USP43: variants seen among roughly 807,000 people sequenced by gnomAD.
USP43 encodes the protein ubiquitin specific peptidase 43.
A neutral mutation model predicts 90.7 loss-of-function variants in USP43; 33 were observed. The ratio of observed to expected loss-of-function variants is 0.36; its 90% CI spans 0.28 to 0.49. The LOEUF (loss-of-function observed/expected upper bound fraction) is 0.49, where lower values mean the gene tolerates loss of function less well. USP43 is among the 20% of genes least tolerant of loss of function. The probability of loss-of-function intolerance (pLI) is 0.98; values close to 1 mark genes in which losing one functional copy is unlikely to be tolerated. For missense variants in USP43, 1,274 were observed against 1,476.4 expected (o/e 0.86, Z 2.25); for synonymous variants, 598 against 615.8 (o/e 0.97, Z 0.43).
intron 14 of USP43, among the ~76,000 whole-genome samples, chr17:9,719,292 C>T (rs896406231): frequency 1.3e-5 from 2 of 152,162 alleles, no homozygotes. Context: ...TTGATATCCT[C>T]CCAGGAGGAG....
Position 9,701,783 on chromosome 17 carries a change from G to A in USP43, c.2011+83G>A. The A allele has an allele frequency of 7.3e-6, 9 of 1,237,576 alleles. No homozygotes were observed. The highest frequency in any genetic ancestry group is 9.9e-6 in the Non-Finnish European group (9 of 909,222). The allele number at this position is 1,237,576 out of a possible 1,614,324, so 76.7% of individuals were successfully genotyped here. ...CTGGAATGGGTGTTGCTCAGATGCT[G>A]AGCTCCCTGGGGCACTTATTGAGAT... On this transcript the variant is annotated intron_variant, in intron 12 of 14. Transcript: ENST00000285199. This position sits in a 1 kb window ranked among gnomAD's most constrained non-coding sequence, Gnocchi z 7.2.
Position 9,728,931 on chromosome 17 carries a change from G to A in USP43, c.3313G>A (p.Val1105Ile), listed in dbSNP as rs1386914092. ...EQASYGTFQR[V>I]KYHTLSLGRK... ...GGCTTCTTATGGCACCTTTCAGAGA[G>A]TCAAATATCACACTCTTTCTTTAGG... The change falls in exon 15 of 15, where the codon GTC becomes ATC. Residue 1105 changes from valine (V) to isoleucine (I), a missense_variant. By Grantham distance (29) the Val-to-Ile change is conservative. This residue lies in a region of USP43 where 353 missense variants were observed against 329.7 expected (regional missense o/e 1.07). Transcript: ENST00000285199. The surrounding 1 kb of genome is among the most constrained non-coding windows in gnomAD (Gnocchi z 6.2). The A allele has an allele frequency of 1.2e-6, 2 of 1,606,732 alleles. No homozygotes were observed. The highest frequency in any genetic ancestry group is 1.7e-5 in the Admixed American group (1 of 58,782).
intron 2 of USP43, among the ~76,000 whole-genome samples, chr17:9,664,554 A>G (rs1036431771): frequency 4.6e-5 from 7 of 152,174 alleles, no homozygotes; most frequent in South Asian, 2.1e-4. Context: ...AAAATTGTCT[A>G]AAAAGACTCC....
chr17:9,678,648 G>GATTTATTTATGTCATCTT lies in USP43; in HGVS notation c.970-1562_970-1545dup, dbSNP rs1212857465. ...AGCCACTGCGCCCGGCCTGTATTTG[G>GATTTATTTATGTCATCTT]ATTTATTTATGTCATCTTATTTATT... On this transcript the variant is annotated intron_variant, in intron 5 of 14. Coordinates refer to ENST00000285199, the MANE Select transcript of USP43 (RefSeq NM_153210.5). 1.7e-3 allele frequency among the ~76,000 whole-genome samples: 257 copies of GATTTATTTATGTCATCTT among 152,072 alleles called. 4 individuals carry two copies. The highest frequency in any genetic ancestry group is 6.7e-3 in the South Asian group (32 of 4,808).
intron 2 of USP43, among the ~76,000 whole-genome samples, chr17:9,664,747 C>T (rs186118309): frequency 0.016 from 2,386 of 151,640 alleles, 64 homozygotes; most frequent in African/African-American, 0.054. Flanking sequence ...ACGCCATTCT[C>T]CTGCCTCAGC....
chr17:9,668,662 A>G (rs113873137), intron 3 of USP43, among the ~76,000 whole-genome samples: 2,840 of 152,270 alleles, frequency 0.019, 72 homozygotes, highest in African/African-American at 0.056. Context: ...TATACAGGGT[A>G]AAGAGGATCT....
At chr17:9,663,447 G>A (rs199937623) in intron 2 of USP43, among the ~76,000 whole-genome samples, 6 of 151,662 alleles carry the variant, frequency 4.0e-5, no homozygotes, top group East Asian at 3.9e-4. Flanking sequence ...ACAGATGTGC[G>A]CCACCATGCC....
At chr17:9,711,945 C>T (rs1336085862) in intron 13 of USP43, 23 bp from the exon 14 acceptor site, 16 of 1,571,360 alleles carry the variant, frequency 1.0e-5, no homozygotes, top group Non-Finnish European at 1.3e-5. Flanking sequence ...GGCTCAGCCT[C>T]CCTCTCTGTG....
At chr17:9,725,270 G>A (rs1429930735) in intron 14 of USP43, among the ~76,000 whole-genome samples, 1 of 147,276 alleles carries the variant, frequency 6.8e-6, no homozygotes, top group African/African-American at 2.5e-5. Context: ...CTTTAATGCA[G>A]TGTAAGGCTC....
At position 9,728,311 on chromosome 17, in the gene USP43, A is replaced by C. The variant is rs199608953; in HGVS notation, c.2693A>C (p.Asn898Thr). The change falls in exon 15 of 15, where the codon AAC (asparagine) becomes ACC (threonine). Residue 898 changes from asparagine to threonine, a missense_variant. Physicochemically the swap from Asn to Thr is moderately conservative, Grantham distance 65. Transcript: ENST00000285199. The surrounding 1 kb of genome is among the most constrained non-coding windows in gnomAD (Gnocchi z 6.2). ...GTGCCCTGTCCCTCGGCTCAACCCAACCACTGTCTGGCCCCTGGAAACTCA... is the reference window on the plus strand; with the variant it reads ...GTGCCCTGTCCCTCGGCTCAACCCACCCACTGTCTGGCCCCTGGAAACTCA... Reference protein sequence around the residue: ...AGVPCPSAQPNHCLAPGNSDG... With the variant: ...AGVPCPSAQPTHCLAPGNSDG... The C allele has an allele frequency of 7.3e-5, 117 of 1,612,840 alleles. No individual in the cohort carries two copies. The African/African-American group carries it at 1.3e-3, about 19-fold the overall frequency.
chr17:9,700,460 G>C (rs113650268), intron 10 of USP43, among the ~76,000 whole-genome samples: 437 of 152,276 alleles, frequency 2.9e-3, no homozygotes, highest in African/African-American at 9.7e-3. Context: ...TGGTGGTGGT[G>C]GTGGGTGATG....
In USP43 at chr17:9,701,074, G is replaced by A. The variant is rs577476502; in HGVS notation, c.1536-45G>A. The A allele has an allele frequency of 6.9e-7, 1 of 1,439,378 alleles. No homozygotes were observed. The highest frequency in any genetic ancestry group is 2.5e-5 in the East Asian group (1 of 39,544). 89.2% of individuals were successfully genotyped at this position (1,439,378 alleles called of 1,614,324 possible). ...GTAGAGACATAGACGAAACCTGTCTGGGAGCAGGAAAGTCCTGAACGCCGT... is the reference window on the plus strand; with the variant it reads ...GTAGAGACATAGACGAAACCTGTCTAGGAGCAGGAAAGTCCTGAACGCCGT... On this transcript the variant is annotated intron_variant, in intron 10 of 14. Coordinates refer to ENST00000285199, the MANE Select transcript of USP43 (RefSeq NM_153210.5). This position sits in a 1 kb window ranked among gnomAD's most constrained non-coding sequence, Gnocchi z 7.2.
Position 9,667,483 on chromosome 17 carries a change from A to T in USP43, c.740+732A>T, listed in dbSNP as rs969298995. 3.9e-5 allele frequency among the ~76,000 whole-genome samples: 6 copies of T among 152,350 alleles called. No homozygotes were observed. In the South Asian group the frequency reaches 1.2e-3, roughly 32 times the overall value. On this transcript the variant is annotated intron_variant, in intron 3 of 14. Coordinates refer to ENST00000285199, the MANE Select transcript of USP43 (RefSeq NM_153210.5). ...GTATGTGTTCTCTTTGAGCTTTTAT[A>T]TGTGAAAGTGCAGAGATTCATACAA...
Position 9,728,123 on chromosome 17 carries a change from C to T in USP43, c.2505C>T (p.Tyr835=). The change falls in exon 15 of 15, where the codon TAC becomes TAT. Residue 835 remains tyrosine, a synonymous_variant. Coordinates refer to ENST00000285199, the MANE Select transcript of USP43 (RefSeq NM_153210.5). This position sits in a 1 kb window ranked among gnomAD's most constrained non-coding sequence, Gnocchi z 6.2. ...GTGCCTCCGTCGAGTTGGTGGAGTA[C>T]TTGGAATCCAGACGAAGACCTCGGT... is the stretch of plus-strand genomic sequence containing the variant. ...PPGASVELVE[Y]LESRRRPRST... The T allele has an allele frequency of 1.2e-6, 2 of 1,613,918 alleles. No individual in the cohort carries two copies. Among genetic ancestry groups the T allele is most frequent in the Non-Finnish European group, 1.7e-6 (2 of 1,179,880 alleles).
In USP43 at chr17:9,674,854, G is replaced by T. The variant is rs1367959375; in HGVS notation, c.741-37G>T. 1.3e-6 allele frequency: 2 copies of T among 1,559,088 alleles called. No individual in the cohort carries two copies. Among genetic ancestry groups the T allele is most frequent in the Non-Finnish European group, 1.8e-6 (2 of 1,130,470 alleles). ...AATTTTACCCCCAAATTGTTTACGT[G>T]TGATTAAACGTTCGCCTCTGTTCTT... On this transcript the variant is annotated intron_variant, in intron 3 of 14. Coordinates refer to ENST00000285199, the MANE Select transcript of USP43 (RefSeq NM_153210.5). The surrounding 1 kb of genome is among the most constrained non-coding windows in gnomAD (Gnocchi z 4.4).
intron 12 of USP43, among the ~76,000 whole-genome samples, chr17:9,706,104 A>C (rs986028631): frequency 7.2e-5 from 11 of 152,156 alleles, no homozygotes; most frequent in African/African-American, 2.7e-4. Flanking sequence ...TGTGAGCTTG[A>C]GCATCTTTTC....
intron 6 of USP43, among the ~76,000 whole-genome samples, chr17:9,681,199 C>T (rs887047205): frequency 0.015 from 787 of 53,264 alleles, 167 homozygotes; most frequent in African/African-American, 0.088. Flanking sequence ...ATAATATATA[C>T]TATATAATAT....
intron 14 of USP43, 54 bp downstream of exon 14, chr17:9,712,186 T>G (rs1224498477): frequency 6.7e-7 from 1 of 1,493,606 alleles, no homozygotes; most frequent in Non-Finnish European, 9.0e-7. Flanking sequence ...TGTCTGTTGT[T>G]ATTGCTCAGT....
Position 9,712,132 on chromosome 17 carries a change from G to A in USP43, c.2335G>A (p.Gly779Arg), listed in dbSNP as rs1196688600. The stretch of plus-strand genomic sequence containing the variant: ...CAACAGCCTCTGCAATCAGGAAAAG[G>A]GTATGTTGGTTAAATGTGCTTGGTT... ...FTNSLCNQEK[G>R]GLEPRRLVRG... Residue 779 changes from glycine to arginine, a missense_variant and splice_region_variant, in exon 14 of 15, where the codon GGA (glycine) becomes AGA (arginine). Around this residue, in one of 6 missense-constraint regions of USP43, gnomAD observed 285 missense variants for 349.6 expected, o/e 0.82. Transcript: ENST00000285199. 1.3e-6 allele frequency: 2 copies of A among 1,573,128 alleles called. No individual in the cohort carries two copies. Among genetic ancestry groups the A allele is most frequent in the East Asian group, 2.3e-5 (1 of 43,210 alleles).
Sources: gnomAD v4.1 joint callset for allele counts (sites outside exome capture counted in the v4.1 genomes callset) on GRCh38, gnomAD v4.1.1 for gene constraint, gnomAD v4.1.1 regional missense constraint, Gnocchi (gnomAD v3.1) non-coding constraint, MANE v1.5 for transcripts, NCBI Gene and HGNC (gene_info 2026-07-23, HGNC 2026-07-21) for gene names.